Variants in SIGLECL1 observed in about 807,000 individuals in gnomAD.
SIGLECL1 encodes SIGLEC family-like protein 1.
Under a neutral mutation model 19.1 loss-of-function variants are expected in SIGLECL1, and 16 were observed. The observed-to-expected ratio is 0.84, with a 90% CI of 0.57 to 1.27. SIGLECL1 has a LOEUF of 1.27. SIGLECL1 is among the 50% of genes most tolerant of loss of function. The pLI is 0.00. For missense variants in SIGLECL1, 210 were observed against 239.4 expected (o/e 0.88, Z 0.81); for synonymous variants, 89 against 90.4 (o/e 0.98, Z 0.09).
intron 2 of SIGLECL1, among the ~76,000 whole-genome samples, 186 bp from the exon 3 acceptor site, chr19:51,265,182 A>G (rs967709864): frequency 1.3e-5 from 2 of 152,212 alleles, no homozygotes; most frequent in African/African-American, 4.8e-5. Context: ...TCTAGCGATC[A>G]GGTTCAGGCC....
At chr19:51,263,656 G>A (rs144970449) in intron 1 of SIGLECL1, among the ~76,000 whole-genome samples, 6 of 152,304 alleles carry the variant, frequency 3.9e-5, no homozygotes, top group Admixed American at 6.5e-5. Flanking sequence ...TACTCGGGAG[G>A]CTAAGGCAGA....
rs1253915628 is a variant in SIGLECL1 at position 51,265,396 on chromosome 19, C to T, written c.51C>T (p.Cys17=). 2 of 1,613,292 alleles carry T rather than the reference C, an allele frequency of 1.2e-6. No individual in the cohort carries two copies. Among genetic ancestry groups the T allele is most frequent in the Non-Finnish European group, 1.7e-6 (2 of 1,179,514 alleles). The change falls in exon 3 of 6, where the codon TGC becomes TGT. Residue 17 remains cysteine (C), a synonymous_variant. Coordinates refer to ENST00000601727, the MANE Select transcript of SIGLECL1 (RefSeq NM_001385465.1). ...CTGCTAAGCTGCTCAACTCCTCTTG[C>T]TCCTTGGAGAAGACACTGCAGTGCA... The part of the protein sequence containing the change: ...LVPAKLLNSS[C]SLEKTLQCSC...
upstream of SIGLECL1, among the ~76,000 whole-genome samples, chr19:51,248,203 C>T (rs571428988): frequency 3.3e-5 from 5 of 152,246 alleles, 1 homozygote; most frequent in Admixed American, 3.3e-4. Flanking sequence ...AAGGAGCAGA[C>T]AAGGTGGCAC....
chr19:51,268,480 A>G (rs1983840494), intron 5 of SIGLECL1, 91 bp from the exon 6 acceptor site: 1 of 1,365,824 alleles, frequency 7.3e-7, no homozygotes, highest in East Asian at 2.3e-5. Context: ...TTCTGTGCAC[A>G]AGGGGGTGTC....
At chr19:51,252,987 C>T (rs1340114190) in intron 1 of SIGLECL1, among the ~76,000 whole-genome samples, 2 of 151,818 alleles carry the variant, frequency 1.3e-5, no homozygotes, top group Non-Finnish European at 2.9e-5. Flanking sequence ...ATTAGCTGGA[C>T]CTGGTGGCTT....
At chr19:51,257,560 A>G (rs1386399124) in intron 1 of SIGLECL1, 1 of 152,256 alleles carries the variant, frequency 6.6e-6, no homozygotes, top group Non-Finnish European at 1.5e-5. Context: ...CCTTGCCTGA[A>G]GAGAAGTCTG....
At chr19:51,250,485 C>G (rs1982419691), upstream of SIGLECL1, among the ~76,000 whole-genome samples, 1 of 152,190 alleles carries the variant, frequency 6.6e-6, no homozygotes, top group South Asian at 2.1e-4. Flanking sequence ...AATGCCTTAG[C>G]CCTCTGGGAA....
intron 1 of SIGLECL1, among the ~76,000 whole-genome samples, chr19:51,258,293 T>C (rs1982951900): frequency 6.6e-6 from 1 of 152,176 alleles, no homozygotes; most frequent in South Asian, 2.1e-4. Flanking sequence ...AGAAATGGGA[T>C]TCACTAGAAC....
At chr19:51,250,531 C>T (rs1982421216), upstream of SIGLECL1, among the ~76,000 whole-genome samples, 4 of 152,224 alleles carry the variant, frequency 2.6e-5, no homozygotes, top group Non-Finnish European at 5.9e-5. Context: ...TTTTACCCAG[C>T]TCCTATTCAA....
chr19:51,258,490 C>T (rs1982965911), intron 1 of SIGLECL1, among the ~76,000 whole-genome samples: 1 of 152,198 alleles, frequency 6.6e-6, no homozygotes, highest in Non-Finnish European at 1.5e-5. Flanking sequence ...CCCCAAGGAG[C>T]TGACCCACTG....
intron 1 of SIGLECL1, among the ~76,000 whole-genome samples, chr19:51,263,563 G>T (rs1158414890): frequency 6.6e-6 from 1 of 152,150 alleles, no homozygotes; most frequent in African/African-American, 2.4e-5. Flanking sequence ...TTTGAGACCA[G>T]CCTGGCCAAC....
chr19:51,256,575 A>G (rs1354289955), intron 1 of SIGLECL1, among the ~76,000 whole-genome samples: 4 of 152,222 alleles, frequency 2.6e-5, no homozygotes, highest in Non-Finnish European at 5.9e-5. Context: ...AGAATGAATA[A>G]GTTCTGGAGG....
upstream of SIGLECL1, among the ~76,000 whole-genome samples, chr19:51,247,564 G>T (rs1982306667): frequency 6.6e-6 from 1 of 152,010 alleles, no homozygotes; most frequent in African/African-American, 2.4e-5. Flanking sequence ...GACTACAGGT[G>T]CCTGCCACCA....
Position 51,265,457 on chromosome 19 carries a change from C to G in SIGLECL1, c.112C>G (p.Gln38Glu). 1 of 1,614,136 alleles carries G rather than the reference C, an allele frequency of 6.2e-7. No individual in the cohort carries two copies. The highest frequency in any genetic ancestry group is 8.5e-7 in the Non-Finnish European group (1 of 1,180,024). The change falls in exon 3 of 6, where the codon CAG (glutamine) becomes GAG (glutamate). Residue 38 changes from glutamine (Q) to glutamate (E), a missense_variant. Physicochemically the swap from Gln to Glu is conservative, Grantham distance 29. Coordinates refer to ENST00000601727, the MANE Select transcript of SIGLECL1 (RefSeq NM_001385465.1). ...CCATGGGATTCCCACACCCTCTGTG[C>G]AGTGGTGGATGGGAGGAGTCCCCGT... is the stretch of plus-strand genomic sequence containing the variant. The part of the protein sequence containing the change: ...SFHGIPTPSV[Q>E]WWMGGVPVGV...
chr19:51,258,337 G>C (rs62115998), intron 1 of SIGLECL1, among the ~76,000 whole-genome samples: 2,681 of 152,316 alleles, frequency 0.018, 37 homozygotes, highest in Non-Finnish European at 0.028. Flanking sequence ...GGTTTGAAAA[G>C]AGGAAGGATG....
intron 1 of SIGLECL1, among the ~76,000 whole-genome samples, chr19:51,262,082 C>A (rs1364880443): frequency 6.6e-6 from 1 of 152,180 alleles, no homozygotes; most frequent in Non-Finnish European, 1.5e-5. Context: ...TGTTCTCCAG[C>A]CCTGCAACTT....
At chr19:51,252,762 A>T (rs1054929265) in intron 1 of SIGLECL1, among the ~76,000 whole-genome samples, 1 of 152,110 alleles carries the variant, frequency 6.6e-6, no homozygotes, top group African/African-American at 2.4e-5. Flanking sequence ...CTGTTAAAAC[A>T]TGCCGAAATA....
At chr19:51,250,417 A>G (rs1174982786), upstream of SIGLECL1, among the ~76,000 whole-genome samples, 1 of 152,142 alleles carries the variant, frequency 6.6e-6, no homozygotes, top group Non-Finnish European at 1.5e-5. Context: ...CTGTTTTATC[A>G]GCAAGGTCTT....
At chr19:51,264,242 A>G (rs763178448) in intron 2 of SIGLECL1, 148 bp downstream of exon 2, 12 of 875,210 alleles carry the variant, frequency 1.4e-5, no homozygotes, top group Non-Finnish European at 2.1e-5. Context: ...TGAATTAGAC[A>G]GCTTCTGTGT....
Sources: allele counts gnomAD v4.1 joint callset (sites outside exome capture counted in the v4.1 genomes callset), GRCh38; gene constraint gnomAD v4.1.1; transcripts MANE v1.5; gene names NCBI Gene and HGNC (gene_info 2026-07-23, HGNC 2026-07-21).